ZNF540: variants seen among roughly 807,000 people sequenced by gnomAD.
The protein encoded by ZNF540 is zinc finger protein 540.
In ZNF540, 3 loss-of-function variants were observed where a neutral mutation model predicts 11.8. The ratio of observed to expected loss-of-function variants is 0.25; its 90% confidence interval spans 0.12 to 0.65. ZNF540 has a LOEUF of 0.65. ZNF540 is among the 30% of genes least tolerant of loss of function. The pLI is 0.83. For synonymous variants in ZNF540, 247 were observed against 259.0 expected (o/e 0.95, Z 0.45); for missense variants, 709 against 793.1 (o/e 0.89, Z 1.27).
intron 1 of ZNF540, among the ~76,000 whole-genome samples, chr19:37,588,636 A>G (rs1450418245): frequency 6.6e-6 from 1 of 152,210 alleles, no homozygotes; most frequent in Non-Finnish European, 1.5e-5. Flanking sequence ...TGACTGGATC[A>G]TACCCCAAAC....
chr19:37,590,346 G>C (rs2043830886), upstream of ZNF540, among the ~76,000 whole-genome samples: 1 of 152,148 alleles, frequency 6.6e-6, no homozygotes, highest in Admixed American at 6.5e-5. Context: ...GAACCCAGGA[G>C]GCGGAGCTTG....
upstream of ZNF540, chr19:37,594,475 C>T (rs917543917): frequency 1.3e-5 from 2 of 152,324 alleles, no homozygotes; most frequent in Non-Finnish European, 2.9e-5. Flanking sequence ...GGCAGGGGCT[C>T]CAGGGGCACA....
At chr19:37,603,004 CTTTTT>C (rs569985494) in intron 4 of ZNF540, among the ~76,000 whole-genome samples, 2 of 113,246 alleles carry the variant, frequency 1.8e-5, no homozygotes, top group South Asian at 2.9e-4. Context: ...TGTAAGGAGT[CTTTTT>C]TTTTTTTTTT....
At chr19:37,555,943 T>A in intron 1 of ZNF540, 5 of 700,930 alleles carry the variant, frequency 7.1e-6, no homozygotes, top group Non-Finnish European at 1.0e-5. Context: ...GTTACACATG[T>A]CCAATCAGGG....
At chr19:37,598,323 AC>A in intron 1 of ZNF540, 52 bp from the exon 2 acceptor site, 1 of 881,618 alleles carries the variant, frequency 1.1e-6, no homozygotes, top group Middle Eastern at 2.3e-4. Context: ...TCATATTGTT[AC>A]CTCTGAGGCA....
intron 1 of ZNF540, among the ~76,000 whole-genome samples, chr19:37,572,037 TATCA>T (rs1442839226): frequency 1.3e-5 from 2 of 152,220 alleles, no homozygotes; most frequent in Admixed American, 6.5e-5. Context: ...TAGTCCTATC[TATCA>T]ATCACATCAC....
chr19:37,554,470 C>T, intron 1 of ZNF540, among the ~76,000 whole-genome samples: 1 of 152,120 alleles, frequency 6.6e-6, no homozygotes, highest in East Asian at 1.9e-4. Flanking sequence ...GTTTATGAAT[C>T]TTGTTACTTT....
chr19:37,610,095 T>C (rs957120169), intron 4 of ZNF540, among the ~76,000 whole-genome samples: 2 of 152,216 alleles, frequency 1.3e-5, no homozygotes, highest in African/African-American at 4.8e-5. Context: ...TTTGTTCTGA[T>C]CTGTAAAGGA....
At chr19:37,583,195 C>G (rs2043535435) in intron 1 of ZNF540, among the ~76,000 whole-genome samples, 1 of 152,176 alleles carries the variant, frequency 6.6e-6, no homozygotes, top group Admixed American at 6.5e-5. Context: ...ATGTTACCTC[C>G]CCTGAGCTAT....
At chr19:37,597,682 C>A (rs2044006894) in intron 1 of ZNF540, 2 of 152,370 alleles carry the variant, frequency 1.3e-5, no homozygotes, top group African/African-American at 4.8e-5. Flanking sequence ...CCGCCTTGAC[C>A]TCCCAAAGTG....
upstream of ZNF540, chr19:37,594,080 C>T (rs962736061): frequency 1.3e-5 from 2 of 152,182 alleles, no homozygotes; most frequent in African/African-American, 4.8e-5. Flanking sequence ...TTTAGGATAA[C>T]ACCAACCTCT....
chr19:37,611,224 AC>A (rs2044125780), intron 4 of ZNF540: 1 of 172,322 alleles, frequency 5.8e-6, no homozygotes. Context: ...ATGGGGTTTC[AC>A]CATGTTGGTC....
chr19:37,580,425 T>C (rs974359865), intron 1 of ZNF540, among the ~76,000 whole-genome samples: 2 of 152,262 alleles, frequency 1.3e-5, no homozygotes, highest in Non-Finnish European at 2.9e-5. Context: ...TTAGCTTGAC[T>C]TTCTTTCCAC....
At chr19:37,592,340 C>A (rs774302043), upstream of ZNF540, among the ~76,000 whole-genome samples, 16 of 152,258 alleles carry the variant, frequency 1.1e-4, no homozygotes, top group Non-Finnish European at 2.1e-4. Flanking sequence ...AAATTTTTCA[C>A]GGTCATATCC....
chr19:37,588,752 TAGAA>T (rs1320604865), intron 1 of ZNF540, among the ~76,000 whole-genome samples: 3 of 152,110 alleles, frequency 2.0e-5, no homozygotes, highest in Non-Finnish European at 2.9e-5. Flanking sequence ...TGCATATGAA[TAGAA>T]AGAAAAGATT....
At chr19:37,603,447 C>T (rs574143159) in intron 4 of ZNF540, among the ~76,000 whole-genome samples, 4 of 152,076 alleles carry the variant, frequency 2.6e-5, no homozygotes, top group African/African-American at 7.2e-5. Context: ...ACTATAGATA[C>T]GACAATGGAT....
chr19:37,575,710 C>G (rs1328466460), intron 1 of ZNF540: 1 of 152,168 alleles, frequency 6.6e-6, no homozygotes, highest in Non-Finnish European at 1.5e-5. Flanking sequence ...TCCATGATCA[C>G]ACATCACTGT....
At chr19:37,571,719 T>C (rs1212792752) in intron 1 of ZNF540, among the ~76,000 whole-genome samples, 3 of 152,146 alleles carry the variant, frequency 2.0e-5, no homozygotes, top group Admixed American at 1.3e-4. Context: ...CAACATATGT[T>C]GAGGAGCATC....
chr19:37,574,946 CAA>C (rs1342639491), intron 1 of ZNF540, among the ~76,000 whole-genome samples: 1 of 152,190 alleles, frequency 6.6e-6, no homozygotes, highest in East Asian at 1.9e-4. Context: ...TGAAGACGTT[CAA>C]ACTCTTCACC....
Sources: gnomAD v4.1 joint callset for allele counts (sites outside exome capture counted in the v4.1 genomes callset) on GRCh38, gnomAD v4.1.1 for gene constraint, MANE v1.5 for transcripts, NCBI Gene and HGNC (gene_info 2026-07-23, HGNC 2026-07-21) for gene names.